Variants in UNKL observed in about 807,000 individuals in gnomAD.
The protein encoded by UNKL is putative E3 ubiquitin-protein ligase UNKL.
A neutral mutation model predicts 78.0 loss-of-function variants in UNKL; 60 were observed. That is an observed-to-expected ratio of 0.77 (90% CI 0.63 to 0.95). The LOEUF is 0.95. UNKL is among the 40% of genes least tolerant of loss of function. The pLI, the probability that UNKL is intolerant of heterozygous loss-of-function variation, is 0.00. For missense variants in UNKL, 1,159 were observed against 1,045.7 expected (o/e 1.11, Z -1.49); for synonymous variants, 608 against 474.8 (o/e 1.28, Z -3.65).
intron 2 of UNKL, among the ~76,000 whole-genome samples, chr16:1,404,747 G>A (rs1049664433): frequency 1.4e-4 from 21 of 152,138 alleles, no homozygotes; most frequent in African/African-American, 1.7e-4. Flanking sequence ...AGGAAAGCGC[G>A]GGCTTCCATC....
intron 6 of UNKL, among the ~76,000 whole-genome samples, chr16:1,396,754 T>C (rs563078323): frequency 0.034 from 5,239 of 152,122 alleles, 143 homozygotes; most frequent in Non-Finnish European, 0.055. Context: ...CCACCACGCC[T>C]GGCTGATTTT....
At chr16:1,413,194 G>A (rs760211625) in intron 2 of UNKL, among the ~76,000 whole-genome samples, 26 of 148,882 alleles carry the variant, frequency 1.7e-4, no homozygotes, top group African/African-American at 2.5e-4. Flanking sequence ...GCAGTGAGCC[G>A]TATCCTATCA....
chr16:1,384,155 C>G (rs956745335), intron 10 of UNKL, among the ~76,000 whole-genome samples: 3 of 152,150 alleles, frequency 2.0e-5, no homozygotes, highest in Admixed American at 2.0e-4. Context: ...CATCCCATCA[C>G]TCACCAAGCG....
In UNKL at chr16:1,413,836, G is replaced by A. The variant is rs753193706; in HGVS notation, c.287+10C>T. ...CGCCCAGGCAGCGGCGCCCCCTCGC[G>A]GCCGCTTACTCGTCGCCGTCGGGGC... On this transcript the variant is annotated intron_variant, in intron 2 of 14. Transcript: ENST00000389221. The A allele has an allele frequency of 3.2e-5, 48 of 1,514,966 alleles. No homozygotes were observed. The highest frequency in any genetic ancestry group is 3.9e-5 in the Non-Finnish European group (44 of 1,125,008). The allele number at this position is 1,514,966 out of a possible 1,614,324, so 93.8% of individuals were successfully genotyped here.
chr16:1,370,141 T>C lies in UNKL; in HGVS notation c.1574A>G (p.Tyr525Cys). The change falls in exon 12 of 15, where the codon TAC becomes TGC. Residue 525 changes from tyrosine to cysteine, a missense_variant. Physicochemically the swap from Tyr to Cys is radical, Grantham distance 194. Coordinates refer to ENST00000389221, the MANE Select transcript of UNKL (RefSeq NM_001372107.1). ...PGTLGSAASS[Y>C]SPLGLNGVPG... ...GAGCCGGCACTCACCTAGGGGGCTG[T>C]AGGATGAGGCTGCAGAGCCCAGTGT... 2 of 1,523,488 alleles carry C rather than the reference T, an allele frequency of 1.3e-6. No homozygotes were observed. Among genetic ancestry groups the C allele is most frequent in the Non-Finnish European group, 1.8e-6 (2 of 1,131,112 alleles). 94.4% of individuals were successfully genotyped at this position (1,523,488 alleles called of 1,614,324 possible).
intron 4 of UNKL, 33 bp downstream of exon 4, chr16:1,401,535 C>CA: frequency 4.3e-6 from 6 of 1,409,558 alleles, no homozygotes; most frequent in Non-Finnish European, 5.8e-6. Context: ...CCGCCCCCCC[C>CA]ACCACCGCCC....
Position 1,363,365 on chromosome 16 carries a change from G to A in UNKL, c.*2875C>T. 2.2e-6 allele frequency: 1 copy of A among 450,342 alleles called. No homozygotes were observed. Among genetic ancestry groups the A allele is most frequent in the Non-Finnish European group, 4.1e-6 (1 of 243,512 alleles). 27.9% of individuals were successfully genotyped at this position (450,342 alleles called of 1,614,324 possible). A position where few individuals can be genotyped will look rare whatever the true frequency, so the allele number is the denominator to read the frequency against. ...TTATAAATACTACCTTCTGGGTTAA[G>A]AAAATTCCATTCAAATAACATTCTC... is the stretch of plus-strand genomic sequence containing the variant. On this transcript the variant is annotated 3_prime_UTR_variant, in exon 15 of 15. Transcript: ENST00000389221.
Position 1,390,677 on chromosome 16 carries a change from C to T in UNKL, c.1041G>A (p.Ser347=), listed in dbSNP as rs1447956666. The T allele has an allele frequency of 1.0e-5, 16 of 1,535,854 alleles. No homozygotes were observed. Among genetic ancestry groups the T allele is most frequent in the Middle Eastern group, 3.3e-4 (2 of 6,012 alleles). Residue 347 remains serine (S), a synonymous_variant, in exon 9 of 15, where the codon TCG becomes TCA. Coordinates refer to ENST00000389221, the MANE Select transcript of UNKL (RefSeq NM_001372107.1). ...GQPGNAKRRD[S]PAEGGPRGSE... The stretch of plus-strand genomic sequence containing the variant: ...TGCCCCTAGGGCCACCCTCGGCCGG[C>T]GAGTCTCTCCGCTTGGCCTGCAACA...
chr16:1,385,119 A>G (rs533408140), intron 10 of UNKL, 89 bp downstream of exon 10: 477 of 1,028,252 alleles, frequency 4.6e-4, no homozygotes, highest in African/African-American at 8.5e-4. Flanking sequence ...ATTCTGTAAC[A>G]TGTCCTGAAA....
intron 10 of UNKL, 61 bp downstream of exon 10, chr16:1,385,146 GA>G: frequency 3.2e-5 from 38 of 1,176,076 alleles, no homozygotes; most frequent in Non-Finnish European, 4.1e-5. Flanking sequence ...CGCTGTCCCT[GA>G]AAAGCTACAG....
chr16:1,414,249 A>AG (rs1353212493), intron 1 of UNKL, among the ~76,000 whole-genome samples, 194 bp from the exon 2 acceptor site: 2 of 151,732 alleles, frequency 1.3e-5, no homozygotes, highest in Non-Finnish European at 2.9e-5. Context: ...CTCGTAGCCC[A>AG]GGCGCTGACC....
intron 14 of UNKL, 111 bp downstream of exon 14, chr16:1,366,981 A>T: frequency 7.0e-7 from 1 of 1,430,028 alleles, no homozygotes; most frequent in Non-Finnish European, 9.1e-7. Context: ...CCCGGAGCAG[A>T]CCCTGGGGCA....
At chr16:1,376,041 G>T (rs2036190415) in intron 10 of UNKL, among the ~76,000 whole-genome samples, 1 of 151,988 alleles carries the variant, frequency 6.6e-6, no homozygotes, top group African/African-American at 2.4e-5. Context: ...GGCTGAAAGT[G>T]AGATCTGTGG....
intron 12 of UNKL, 131 bp downstream of exon 12, chr16:1,369,999 C>G: frequency 6.4e-7 from 1 of 1,551,152 alleles, no homozygotes; most frequent in African/African-American, 1.4e-5. Flanking sequence ...CTGTGAGCAG[C>G]AGGTCATGTG....
chr16:1,379,543 G>T (rs1435245599), intron 10 of UNKL: 3 of 985,130 alleles, frequency 3.0e-6, no homozygotes, highest in Non-Finnish European at 3.6e-6. Flanking sequence ...CTGGCGGGGG[G>T]CGCACCTAAG....
rs187742704 is a variant in UNKL, at chr16:1,393,851, C to T, written c.937+280G>A. 1.8e-4 allele frequency among the ~76,000 whole-genome samples: 27 copies of T among 152,344 alleles called. No homozygotes were observed. In the East Asian group the frequency reaches 5.0e-3, roughly 28 times the overall value. ...CAGCCAGCCCACACCAGGACTCAGC[C>T]TCCAGGCTCAGGGCCCCAGCGTGCC... On this transcript the variant is annotated intron_variant, in intron 7 of 14. Transcript: ENST00000389221.
At chr16:1,404,288 A>G (rs2037655051) in intron 2 of UNKL, among the ~76,000 whole-genome samples, 1 of 152,118 alleles carries the variant, frequency 6.6e-6, no homozygotes, top group African/African-American at 2.4e-5. Flanking sequence ...CCAACTGGGG[A>G]GCTCCGTGAG....
intron 8 of UNKL, 121 bp downstream of exon 8, chr16:1,392,770 G>C: frequency 8.4e-7 from 1 of 1,185,230 alleles, no homozygotes; most frequent in Non-Finnish European, 1.2e-6. Flanking sequence ...TTCTAGAAGA[G>C]CCACGAACTC....
In UNKL at chr16:1,401,642, G is replaced by A. The variant is rs574875280; in HGVS notation, c.524C>T (p.Pro175Leu). The change falls in exon 4 of 15, where the codon CCG (proline) becomes CTG (leucine). Residue 175 changes from proline to leucine, a missense_variant. Physicochemically the swap from Pro to Leu is moderately conservative, Grantham distance 98. Transcript: ENST00000389221. ...GGCCAAGACCCCAGGCTGCAGATCC[G>A]GGACCCCTTCCCCGCCGCCCAGCTG... ...NGQLGGGEGV[P>L]DLQPGVLASQ... The A allele has an allele frequency of 1.4e-5, 22 of 1,611,972 alleles. No individual in the cohort carries two copies. Among genetic ancestry groups the A allele is most frequent in the Middle Eastern group, 1.7e-4 (1 of 6,050 alleles).
Sources: gnomAD v4.1 joint callset for allele counts (sites outside exome capture counted in the v4.1 genomes callset) on GRCh38, gnomAD v4.1.1 for gene constraint, MANE v1.5 for transcripts, NCBI Gene and HGNC (gene_info 2026-07-23, HGNC 2026-07-21) for gene names.